Variants in LRRN2 observed in about 807,000 individuals in gnomAD.
LRRN2 encodes the protein leucine-rich repeat neuronal protein 2.
Under a neutral mutation model 35.7 loss-of-function variants are expected in LRRN2, and 10 were observed. That is an observed-to-expected ratio of 0.28 (90% confidence interval 0.17 to 0.47). The LOEUF (loss-of-function observed/expected upper bound fraction) is 0.47. Ranked by LOEUF, LRRN2 falls within the 20% of genes least tolerant of loss-of-function variation. The probability of loss-of-function intolerance (pLI) is 0.99; values close to 1 mark genes in which losing one functional copy is unlikely to be tolerated. For synonymous variants in LRRN2, 391 were observed against 409.6 expected (o/e 0.95, Z 0.55); for missense variants, 731 against 940.3 (o/e 0.78, Z 2.91).
At chr1:204,662,521 G>C (rs767581738) in intron 1 of LRRN2, among the ~76,000 whole-genome samples, 1 of 152,118 alleles carries the variant, frequency 6.6e-6, no homozygotes, top group Admixed American at 6.5e-5. Context: ...CGAGTCCCAC[G>C]ATCTTTTCAT....
Position 204,619,211 on chromosome 1 carries a change from G to T in LRRN2, c.782C>A (p.Pro261His), listed in dbSNP as rs1309896496. Residue 261 changes from proline to histidine, a missense_variant, in exon 2 of 2, where the codon CCC (proline) becomes CAC (histidine). Around this residue, in one of 3 missense-constraint regions of LRRN2, gnomAD observed 256 missense variants for 392.4 expected, o/e 0.65. Transcript: ENST00000367177. ...GTTGAGGTCTAGGAACTTGAGCCCG[G>T]GCACCTGTTCCAGTGCCCGCCTGGG... is the stretch of plus-strand genomic sequence containing the variant. ...RVPRRALEQV[P>H]GLKFLDLNKN... is the part of the protein sequence containing the mutation. The T allele has an allele frequency of 1.9e-6, 3 of 1,614,074 alleles. No individual in the cohort carries two copies. The highest frequency in any genetic ancestry group is 2.5e-6 in the Non-Finnish European group (3 of 1,180,032).
intron 1 of LRRN2, among the ~76,000 whole-genome samples, chr1:204,652,749 C>T (rs571571602): frequency 1.8e-4 from 28 of 152,340 alleles, no homozygotes; most frequent in African/African-American, 6.7e-4. Context: ...CCATCCCACT[C>T]CTCAGGGTGG....
intron 1 of LRRN2, among the ~76,000 whole-genome samples, chr1:204,641,095 A>G (rs1667967826): frequency 6.6e-6 from 1 of 152,188 alleles, no homozygotes; most frequent in South Asian, 2.1e-4. Context: ...GATAACAAAA[A>G]CTATCAAAAA....
intron 1 of LRRN2, among the ~76,000 whole-genome samples, chr1:204,638,446 C>T (rs1667897506): frequency 9.1e-6 from 1 of 110,328 alleles, no homozygotes; most frequent in Non-Finnish European, 1.7e-5. Context: ...GAGTCTCGCT[C>T]TGTCGCCCAG....
At chr1:204,639,929 CAT>C (rs1379197149) in intron 1 of LRRN2, among the ~76,000 whole-genome samples, 13 of 152,084 alleles carry the variant, frequency 8.5e-5, no homozygotes, top group African/African-American at 2.2e-4. Flanking sequence ...CATACATACA[CAT>C]GTGTATATAT....
intron 1 of LRRN2, among the ~76,000 whole-genome samples, chr1:204,651,736 C>G (rs978453211): frequency 6.6e-6 from 1 of 152,178 alleles, no homozygotes; most frequent in African/African-American, 2.4e-5. Flanking sequence ...GAAGTTCTGT[C>G]GGACACAGGA....
At chr1:204,644,941 G>A (rs998146539) in intron 1 of LRRN2, among the ~76,000 whole-genome samples, 1 of 152,226 alleles carries the variant, frequency 6.6e-6, no homozygotes, top group Non-Finnish European at 1.5e-5. Flanking sequence ...GTATGTGGGA[G>A]GTTGATGGTT....
At chr1:204,662,131 C>G (rs1317770917) in intron 1 of LRRN2, among the ~76,000 whole-genome samples, 1 of 152,160 alleles carries the variant, frequency 6.6e-6, no homozygotes, top group Non-Finnish European at 1.5e-5. Flanking sequence ...GAAGAAGGAA[C>G]CCAAGACTGA....
At chr1:204,666,148 G>A (rs889040741) in intron 1 of LRRN2, among the ~76,000 whole-genome samples, 1 of 152,224 alleles carries the variant, frequency 6.6e-6, no homozygotes, top group African/African-American at 2.4e-5. Flanking sequence ...GCAATAAAAT[G>A]CCAGCCCTGT....
At chr1:204,669,261 G>A (rs1469948624) in intron 1 of LRRN2, among the ~76,000 whole-genome samples, 1 of 152,234 alleles carries the variant, frequency 6.6e-6, no homozygotes, top group African/African-American at 2.4e-5. Context: ...AGGGAAGGGA[G>A]CAGGAGTATG....
In LRRN2 at chr1:204,670,026, G is replaced by GT. The variant is rs1668673407; in HGVS notation, c.-227+15293dup. Among the ~76,000 whole-genome samples the GT allele has an allele frequency of 4.6e-5, 7 of 150,892 alleles. No individual in the cohort carries two copies. The South Asian group carries it at 1.0e-3, about 23-fold the overall frequency. On this transcript the variant is annotated intron_variant, in intron 1 of 1. Coordinates refer to ENST00000367177, the MANE Select transcript of LRRN2 (RefSeq NM_201630.2). ...CACTCGTTTTTTTTTTTGTTTGTTT[G>GT]TTTTTTTCTGACACTTTCTTTTCCC...
chr1:204,674,034 T>G (rs1246298708), intron 1 of LRRN2, among the ~76,000 whole-genome samples: 1 of 152,116 alleles, frequency 6.6e-6, no homozygotes, highest in Non-Finnish European at 1.5e-5. Flanking sequence ...CACGTTTGAA[T>G]GCGGCTGTCA....
chr1:204,619,014 G>T lies in LRRN2; in HGVS notation c.979C>A (p.His327Asn). 6.2e-7 allele frequency: 1 copy of T among 1,609,912 alleles called. No homozygotes were observed. The highest frequency in any genetic ancestry group is 8.5e-7 in the Non-Finnish European group (1 of 1,177,078). ...ITNNPRLSFI[H>N]PRAFHHLPQM... ...GGCAGGTGGTGGAAGGCGCGGGGGT[G>T]GATGAAGGACAGCCGTGGGTTATTG... is the stretch of plus-strand genomic sequence containing the variant. The change falls in exon 2 of 2, where the codon CAC becomes AAC. Residue 327 changes from histidine (H) to asparagine (N), a missense_variant. Physicochemically the swap from His to Asn is moderately conservative, Grantham distance 68. Transcript: ENST00000367177.
intron 1 of LRRN2, among the ~76,000 whole-genome samples, chr1:204,638,926 T>C (rs1228012637): frequency 1.3e-5 from 2 of 152,316 alleles, no homozygotes; most frequent in South Asian, 2.1e-4. Flanking sequence ...GGGAAGGGTT[T>C]TGGGGGCTCC....
intron 1 of LRRN2, among the ~76,000 whole-genome samples, chr1:204,677,310 G>T (rs1668845105): frequency 6.6e-6 from 1 of 152,158 alleles, no homozygotes. Flanking sequence ...TCTCATGGGG[G>T]CTGGGGGCAG....
intron 1 of LRRN2, among the ~76,000 whole-genome samples, chr1:204,669,229 T>C (rs887027910): frequency 6.6e-6 from 1 of 152,218 alleles, no homozygotes; most frequent in Non-Finnish European, 1.5e-5. Flanking sequence ...CTTTTGAATC[T>C]TTGGTTGGGG....
intron 1 of LRRN2, among the ~76,000 whole-genome samples, chr1:204,645,644 T>C (rs1476833453): frequency 6.6e-6 from 1 of 152,126 alleles, no homozygotes; most frequent in Non-Finnish European, 1.5e-5. Context: ...TATGAAGAAA[T>C]ACCCAAGACT....
intron 1 of LRRN2, among the ~76,000 whole-genome samples, chr1:204,660,401 A>G (rs1348418933): frequency 6.6e-6 from 1 of 152,122 alleles, no homozygotes; most frequent in Non-Finnish European, 1.5e-5. Context: ...TTATCTTGTC[A>G]GTCTGAACAC....
Position 204,617,659 on chromosome 1 carries a change from G to T in LRRN2, c.*192C>A. 1.6e-6 allele frequency: 1 copy of T among 639,228 alleles called. No homozygotes were observed. The highest frequency in any genetic ancestry group is 2.7e-6 in the Non-Finnish European group (1 of 365,162). 39.6% of individuals were successfully genotyped at this position (639,228 alleles called of 1,614,324 possible). On this transcript the variant is annotated 3_prime_UTR_variant, in exon 2 of 2. Transcript: ENST00000367177. Reference sequence around the variant, plus strand: ...AATGGCAGCAGAGGTGACCCTAGGAGGTAAGGGCAACTTTTTCGAGGCTGC... The same window carrying T: ...AATGGCAGCAGAGGTGACCCTAGGATGTAAGGGCAACTTTTTCGAGGCTGC...
Sources: gnomAD v4.1 joint callset for allele counts (sites outside exome capture counted in the v4.1 genomes callset) on GRCh38, gnomAD v4.1.1 for gene constraint, gnomAD v4.1.1 regional missense constraint, MANE v1.5 for transcripts, NCBI Gene and HGNC (gene_info 2026-07-23, HGNC 2026-07-21) for gene names.